The following CADPS2 variants were observed in gnomAD, a reference collection of about 807,000 sequenced individuals.
The protein encoded by CADPS2 is calcium dependent secretion activator 2, also known as calcium-dependent secretion activator 2.
A neutral mutation model predicts 172.5 loss-of-function variants in CADPS2; 93 were observed. The ratio of observed to expected loss-of-function variants is 0.54; its 90% CI spans 0.46 to 0.64. CADPS2 has a LOEUF of 0.64. Among genes scored for constraint, CADPS2 ranks in the 30% least tolerant of loss-of-function variants. The pLI, the probability that CADPS2 is intolerant of heterozygous loss-of-function variation, is 0.00. For synonymous variants in CADPS2, 546 were observed against 555.2 expected (o/e 0.98, Z 0.23); for missense variants, 1,420 against 1,565.9 (o/e 0.91, Z 1.57).
At chr7:122,417,881 T>A (rs1186600537) in intron 17 of CADPS2, among the ~76,000 whole-genome samples, 1 of 152,046 alleles carries the variant, frequency 6.6e-6, no homozygotes, top group Non-Finnish European at 1.5e-5. Context: ...ATGACACAGA[T>A]GAGGTGCATT....
At chr7:122,621,743 G>A (rs1050179136) in intron 4 of CADPS2, 26 bp from the exon 5 acceptor site, 3 of 1,278,908 alleles carry the variant, frequency 2.3e-6, no homozygotes, top group Non-Finnish European at 3.3e-6. Context: ...TAAAATAATA[G>A]TGTTACATAA....
At chr7:122,582,293 C>T (rs1263065239) in intron 6 of CADPS2, among the ~76,000 whole-genome samples, 1 of 152,030 alleles carries the variant, frequency 6.6e-6, no homozygotes, top group Admixed American at 6.6e-5. Context: ...ACAGAAAACT[C>T]AGTAAAGCAG....
intron 15 of CADPS2, among the ~76,000 whole-genome samples, chr7:122,445,721 G>A (rs762245476): frequency 5.3e-5 from 8 of 152,080 alleles, no homozygotes; most frequent in Non-Finnish European, 1.2e-4. Flanking sequence ...ATGCTGAGGT[G>A]GGAGGATCGC....
chr7:122,445,992 C>T (rs2052140343), intron 15 of CADPS2, among the ~76,000 whole-genome samples: 1 of 152,130 alleles, frequency 6.6e-6, no homozygotes, highest in Non-Finnish European at 1.5e-5. Flanking sequence ...CAATGCACTA[C>T]CTAGACCATT....
chr7:122,491,954 C>T (rs2058323792), intron 9 of CADPS2, among the ~76,000 whole-genome samples: 2 of 152,084 alleles, frequency 1.3e-5, no homozygotes, highest in East Asian at 1.9e-4. Context: ...GGGCAGATCA[C>T]GAGGTCAGGA....
intron 9 of CADPS2, among the ~76,000 whole-genome samples, chr7:122,495,661 C>G (rs1012383817): frequency 6.6e-6 from 1 of 152,152 alleles, no homozygotes; most frequent in South Asian, 2.1e-4. Context: ...TTCTCTAGTA[C>G]CACTTCAAGG....
Position 122,474,373 on chromosome 7 carries a change from G to A in CADPS2, c.1998+8C>T. ...AACTTATAGGGGACTAGATAGACTT[G>A]TACTCACCAAGCAAGAATAGGAATC... On this transcript the variant is annotated splice_region_variant and intron_variant, in intron 13 of 29. Coordinates refer to ENST00000449022, the MANE Select transcript of CADPS2 (RefSeq NM_017954.11). 1 of 1,612,844 alleles carries A rather than the reference G, an allele frequency of 6.2e-7. No homozygotes were observed. Among genetic ancestry groups the A allele is most frequent in the East Asian group, 2.2e-5 (1 of 44,746 alleles).
chr7:122,604,164 T>C (rs2073178791), intron 6 of CADPS2, among the ~76,000 whole-genome samples: 1 of 152,130 alleles, frequency 6.6e-6, no homozygotes, highest in Admixed American at 6.6e-5. Flanking sequence ...ATGAATTCGG[T>C]AATTTTTCAA....
At chr7:122,864,122 C>T (rs1014934757) in intron 1 of CADPS2, among the ~76,000 whole-genome samples, 2 of 152,104 alleles carry the variant, frequency 1.3e-5, no homozygotes, top group African/African-American at 4.8e-5. Flanking sequence ...GAACATAAAA[C>T]AATCAACCTC....
intron 22 of CADPS2, among the ~76,000 whole-genome samples, chr7:122,389,846 A>G (rs1177933445): frequency 1.3e-5 from 2 of 152,216 alleles, no homozygotes; most frequent in Non-Finnish European, 2.9e-5. Context: ...GAAAATACCT[A>G]TGTAACAAAC....
At chr7:122,625,301 C>G (rs2075983190) in intron 4 of CADPS2, among the ~76,000 whole-genome samples, 1 of 152,146 alleles carries the variant, frequency 6.6e-6, no homozygotes, top group Non-Finnish European at 1.5e-5. Flanking sequence ...CCGCCCGCCT[C>G]AGCCTCCCAA....
chr7:122,373,968 A>G lies in CADPS2; in HGVS notation c.3387+5400T>C, dbSNP rs1004787241. ...AAAGATACTGCCAGAAAAGAAAACT[A>G]TAAGCCAAGATAAACATGGATACAA... On this transcript the variant is annotated intron_variant, in intron 25 of 29. Transcript: ENST00000449022. Among the ~76,000 whole-genome samples, 8 of 152,188 alleles carry G rather than the reference A, an allele frequency of 5.3e-5. No individual in the cohort carries two copies. In the South Asian group the frequency reaches 1.7e-3, roughly 31 times the overall value.
At chr7:122,446,476 G>A (rs1188079189) in intron 15 of CADPS2, among the ~76,000 whole-genome samples, 6 of 152,224 alleles carry the variant, frequency 3.9e-5, no homozygotes, top group African/African-American at 7.2e-5. Flanking sequence ...AACCTAATGA[G>A]TACTCTATAG....
At chr7:122,707,584 A>T (rs900700463) in intron 2 of CADPS2, among the ~76,000 whole-genome samples, 1 of 152,010 alleles carries the variant, frequency 6.6e-6, no homozygotes, top group Non-Finnish European at 1.5e-5. Context: ...AGAGCTCTCT[A>T]GGAATTCAAA....
chr7:122,784,576 A>G (rs572241104), intron 1 of CADPS2, among the ~76,000 whole-genome samples: 2 of 152,356 alleles, frequency 1.3e-5, no homozygotes, highest in South Asian at 2.1e-4. Context: ...GGAAAATGAT[A>G]TAAGTTGAAA....
Position 122,830,612 on chromosome 7 carries a change from A to G in CADPS2, c.339+55387T>C, listed in dbSNP as rs149941639. ...GCATATTTCAATTTGTAACAAATGC[A>G]AAAACATTGGATTTCAATGCTGAGG... On this transcript the variant is annotated intron_variant, in intron 1 of 29. Transcript: ENST00000449022. Among the ~76,000 whole-genome samples the G allele has an allele frequency of 3.1e-3, 473 of 152,364 alleles. 3 individuals carry two copies. The highest frequency in any genetic ancestry group is 0.011 in the African/African-American group (453 of 41,590).
rs187939294 is a variant in CADPS2 at position 122,561,775 on chromosome 7, A to G, written c.1336-7086T>C. Among the ~76,000 whole-genome samples, 330 of 152,228 alleles carry G rather than the reference A, an allele frequency of 2.2e-3. 1 individual carries two copies. Among genetic ancestry groups the G allele is most frequent in the Non-Finnish European group, 3.5e-3 (236 of 67,998 alleles). On this transcript the variant is annotated intron_variant, in intron 7 of 29. Transcript: ENST00000449022. ...ACATAGTGAACTGATCACTACAGTC[A>G]AGCTAATTAACATATCCATTTCTTG...
At chr7:122,803,511 C>T (rs1798089334) in intron 1 of CADPS2, among the ~76,000 whole-genome samples, 1 of 152,126 alleles carries the variant, frequency 6.6e-6, no homozygotes, top group Non-Finnish European at 1.5e-5. Flanking sequence ...ATGGTGTTTT[C>T]TATCAGAATC....
At chr7:122,404,970 C>CA (rs1207703658) in intron 20 of CADPS2, among the ~76,000 whole-genome samples, 2 of 151,660 alleles carry the variant, frequency 1.3e-5, no homozygotes, top group Non-Finnish European at 2.9e-5. Flanking sequence ...ACTAAAAATA[C>CA]AAAAAAATTA....
Sources: allele counts gnomAD v4.1 joint callset (sites outside exome capture counted in the v4.1 genomes callset), GRCh38; gene constraint gnomAD v4.1.1; transcripts MANE v1.5; gene names NCBI Gene and HGNC (gene_info 2026-07-23, HGNC 2026-07-21).